MARF1: variants seen among roughly 807,000 people sequenced by gnomAD.
MARF1 encodes meiosis regulator and mRNA stability factor 1, also known as limkain-b1.
A neutral mutation model predicts 168.2 loss-of-function variants in MARF1; 24 were observed. That is an observed-to-expected ratio of 0.14 (90% confidence interval 0.10 to 0.20). The LOEUF (loss-of-function observed/expected upper bound fraction) is 0.20. Among genes scored for constraint, MARF1 ranks in the 10% least tolerant of loss-of-function variants. The pLI is 1.00. For synonymous variants in MARF1, 868 were observed against 822.4 expected (o/e 1.06, Z -0.95); for missense variants, 1,744 against 2,143.6 (o/e 0.81, Z 3.68).
chr16:15,613,693 TA>T (rs11344786), intron 16 of MARF1, among the ~76,000 whole-genome samples: 4 of 96,720 alleles, frequency 4.1e-5, no homozygotes, highest in African/African-American at 7.7e-5. Context: ...ATAAATAAAA[TA>T]AAATAAAATA....
intron 10 of MARF1, among the ~76,000 whole-genome samples, chr16:15,623,766 G>A (rs117742797): frequency 0.016 from 2,368 of 152,266 alleles, 25 homozygotes; most frequent in Non-Finnish European, 0.025. Context: ...ATCAGCCTGT[G>A]ATACCAATTT....
At chr16:15,601,135 G>A (rs996383528) in intron 23 of MARF1, 9 of 458,756 alleles carry the variant, frequency 2.0e-5, no homozygotes, top group Admixed American at 4.7e-5. Context: ...TGATGGTGCC[G>A]CTCTCCATCT....
chr16:15,636,969 A>G (rs2035640457), intron 2 of MARF1, among the ~76,000 whole-genome samples: 1 of 152,208 alleles, frequency 6.6e-6, no homozygotes, highest in Non-Finnish European at 1.5e-5. Flanking sequence ...AGAGAATTAG[A>G]AAACTATCCA....
Position 15,608,275 on chromosome 16 carries a change from A to AC in MARF1, c.4182+15_4182+16insG, listed in dbSNP as rs1567540374. 2 of 1,468,298 alleles carry AC rather than the reference A, an allele frequency of 1.4e-6. No individual in the cohort carries two copies. The highest frequency in any genetic ancestry group is 1.9e-6 in the Non-Finnish European group (2 of 1,079,524). 91.0% of individuals were successfully genotyped at this position (1,468,298 alleles called of 1,614,324 possible). ...TCCCATGAGGGAAAAAAAAAAAAAAAAAAAAAAACATTTACCTTCACGACA... is the reference window on the plus strand; with the variant it reads ...TCCCATGAGGGAAAAAAAAAAAAAAACAAAAAAAACATTTACCTTCACGACA... On this transcript the variant is annotated intron_variant, in intron 21 of 26. Coordinates refer to ENST00000396368, the MANE Select transcript of MARF1 (RefSeq NM_014647.4).
chr16:15,613,918 A>C (rs1315297669), intron 16 of MARF1, among the ~76,000 whole-genome samples: 1 of 152,090 alleles, frequency 6.6e-6, no homozygotes, highest in Non-Finnish European at 1.5e-5. Context: ...GGGAGAAGCA[A>C]AAGTGTTGGG....
chr16:15,620,525 T>G lies in MARF1; in HGVS notation c.2646A>C (p.Glu882Asp). The change falls in exon 13 of 27, where the codon GAA becomes GAC. Residue 882 changes from glutamate (E) to aspartate (D), a missense_variant. This residue lies in a region of MARF1 where 543 missense variants were observed against 742.1 expected (regional missense o/e 0.73). Transcript: ENST00000396368. ...ASKSLSLLSA[E>D]TMSVLQDAPA... ...GGGCATCCTGAAGAACAGACATTGT[T>G]TCTGCACTGTAAAACAGAAGTTTGA... The G allele has an allele frequency of 6.2e-7, 1 of 1,610,360 alleles. No individual in the cohort carries two copies. The highest frequency in any genetic ancestry group is 8.5e-7 in the Non-Finnish European group (1 of 1,177,414).
chr16:15,597,035 T>G, intron 26 of MARF1, 98 bp from the exon 27 acceptor site: 1 of 1,355,458 alleles, frequency 7.4e-7, no homozygotes, highest in Non-Finnish European at 9.9e-7. Context: ...ATAATAATAG[T>G]AATAAAAAGC....
chr16:15,633,549 A>G, intron 5 of MARF1, 68 bp downstream of exon 5: 1 of 1,234,722 alleles, frequency 8.1e-7, no homozygotes, highest in Non-Finnish European at 1.1e-6. Flanking sequence ...GTCTCAAAAC[A>G]AACAAACAAA....
chr16:15,613,754 T>A (rs191297955), intron 16 of MARF1, among the ~76,000 whole-genome samples: 2 of 149,728 alleles, frequency 1.3e-5, no homozygotes, highest in East Asian at 2.0e-4. Context: ...AAAGGAGGAG[T>A]GGCATAATCT....
chr16:15,617,104 G>A lies in MARF1; in HGVS notation c.3025C>T (p.Pro1009Ser), dbSNP rs2034115977. ...GTCTGGAGAAGACTGTGAACCTGGGGCGCAAATGTCTTCAAAGAAAGAATC... is the reference window on the plus strand; with the variant it reads ...GTCTGGAGAAGACTGTGAACCTGGGACGCAAATGTCTTCAAAGAAAGAATC... The part of the protein sequence containing the change: ...FVILSLKTFA[P>S]QVHSLLQTHE... The change falls in exon 15 of 27, where the codon CCC (proline) becomes TCC (serine). Residue 1009 changes from proline to serine, a missense_variant. Physicochemically the swap from Pro to Ser is moderately conservative, Grantham distance 74 (BLOSUM62 -1). Around this residue, in one of 7 missense-constraint regions of MARF1, gnomAD observed 543 missense variants for 742.1 expected, o/e 0.73. Transcript: ENST00000396368. The A allele has an allele frequency of 6.2e-7, 1 of 1,614,022 alleles. No homozygotes were observed. The highest frequency in any genetic ancestry group is 8.5e-7 in the Non-Finnish European group (1 of 1,180,026).
At position 15,612,708 on chromosome 16, in the gene MARF1, A is replaced by G. The variant is rs759827876; in HGVS notation, c.3323T>C (p.Ile1108Thr). ...PQLIQFSREV[I>T]DLLKSQPSCV... is the part of the protein sequence containing the mutation. ...AGATGGCTGGCTTTTCAGCAAGTCA[A>G]TCACTTCTCTACTGAACTGGATCAG... Residue 1108 changes from isoleucine to threonine, a missense_variant, in exon 17 of 27, where the codon ATT (isoleucine) becomes ACT (threonine). By Grantham distance (89) the Ile-to-Thr change is moderately conservative. Around this residue, in one of 7 missense-constraint regions of MARF1, gnomAD observed 543 missense variants for 742.1 expected, o/e 0.73. Coordinates refer to ENST00000396368, the MANE Select transcript of MARF1 (RefSeq NM_014647.4). The G allele has an allele frequency of 6.2e-6, 10 of 1,614,084 alleles. No individual in the cohort carries two copies. In the East Asian group the frequency reaches 6.7e-5, roughly 11 times the overall value.
rs766572912 is a variant in MARF1, at chr16:15,612,593, C to T, written c.3438G>A (p.Leu1146=). The T allele has an allele frequency of 1.2e-6, 2 of 1,614,072 alleles. No homozygotes were observed. The highest frequency in any genetic ancestry group is 1.7e-6 in the Non-Finnish European group (2 of 1,180,038). ...GAGGCACTGCTTCTAATAACTCAAT[C>T]AGCTTGGAGTATCCGTAGTCTGACA... ...CRVSDYGYSK[L]IELLEAVPHV... Residue 1146 remains leucine (L), a synonymous_variant, in exon 17 of 27, where the codon CTG becomes CTA. Transcript: ENST00000396368.
intron 13 of MARF1, among the ~76,000 whole-genome samples, 170 bp downstream of exon 13, chr16:15,620,281 C>T (rs1462081909): frequency 1.3e-5 from 2 of 152,174 alleles, no homozygotes; most frequent in Non-Finnish European, 2.9e-5. Flanking sequence ...AAATAAAAGA[C>T]GTTTTAAAAC....
At position 15,634,169 on chromosome 16, in the gene MARF1, C is replaced by T. The variant is rs560424822; in HGVS notation, c.1007-326G>A. Among the ~76,000 whole-genome samples, 64 of 152,256 alleles carry T rather than the reference C, an allele frequency of 4.2e-4. 1 individual carries two copies. In the South Asian group the frequency reaches 0.011, roughly 26 times the overall value. On this transcript the variant is annotated intron_variant, in intron 4 of 26. Transcript: ENST00000396368. ...TCTGAACACAAGCACACTAACTGAC[C>T]GGATACTGCAGCTCCAGGACCCGAC...
Position 15,615,883 on chromosome 16 carries a change from T to C in MARF1, c.3200A>G (p.Asn1067Ser). ...AATCCATTTAACCACTTTGATGCCA[T>C]TCTGAGCAGTGGCAATGTTTACACC... ...VPGVNIATAQ[N>S]GIKVVKWIHN... Residue 1067 changes from asparagine (N) to serine (S), a missense_variant, in exon 16 of 27, where the codon AAT becomes AGT. Asn to Ser is a conservative substitution (Grantham distance 46, BLOSUM62 1). Transcript: ENST00000396368. The C allele has an allele frequency of 6.3e-7, 1 of 1,599,924 alleles. No individual in the cohort carries two copies.
chr16:15,626,404 A>G (rs1437299430), intron 7 of MARF1, among the ~76,000 whole-genome samples: 1 of 152,232 alleles, frequency 6.6e-6, no homozygotes, highest in African/African-American at 2.4e-5. Flanking sequence ...TTGTTTTTTA[A>G]AAGTCTATTT....
chr16:15,609,474 A>G (rs1398961356), intron 20 of MARF1, 49 bp downstream of exon 20: 2 of 1,479,832 alleles, frequency 1.4e-6, no homozygotes, highest in African/African-American at 1.4e-5. Context: ...AGTATTTCCT[A>G]TACGTTGTTC....
rs748276762 is a variant in MARF1, at chr16:15,623,074, T to C, written c.2320A>G (p.Ile774Val). 1 of 1,610,576 alleles carries C rather than the reference T, an allele frequency of 6.2e-7. No homozygotes were observed. Among genetic ancestry groups the C allele is most frequent in the Non-Finnish European group, 8.5e-7 (1 of 1,176,998 alleles). ...LNRASPLAFN[I>V]ANSSSEADCP... The stretch of plus-strand genomic sequence containing the variant: ...TCGGCTTCGCTGCTCGAATTTGCAA[T>C]GTTGAAAGCAAGCGGGGATGCTCTG... Residue 774 changes from isoleucine to valine, a missense_variant, in exon 11 of 27, where the codon ATT becomes GTT. Transcript: ENST00000396368.
intron 23 of MARF1, 186 bp from the exon 24 acceptor site, chr16:15,600,887 C>T (rs942086620): frequency 7.0e-6 from 5 of 718,456 alleles, no homozygotes; most frequent in Non-Finnish European, 1.0e-5. Context: ...CAGAAACATA[C>T]CCCTATAAAA....
Sources: gnomAD v4.1 joint callset for allele counts (sites outside exome capture counted in the v4.1 genomes callset) on GRCh38, gnomAD v4.1.1 for gene constraint, gnomAD v4.1.1 regional missense constraint, MANE v1.5 for transcripts, NCBI Gene and HGNC (gene_info 2026-07-23, HGNC 2026-07-21) for gene names.